The following GAS2 variants were observed in gnomAD, a reference collection of about 807,000 sequenced individuals.
GAS2 encodes growth arrest-specific protein 2.
GAS2 carries 20 observed loss-of-function variants against 37.5 expected under a neutral mutation model. The ratio of observed to expected loss-of-function variants is 0.53; its 90% confidence interval spans 0.37 to 0.77. GAS2 has a LOEUF of 0.77. Among genes scored for constraint, GAS2 ranks in the 30% least tolerant of loss-of-function variants. GAS2 has a pLI of 0.00. For synonymous variants in GAS2, 144 were observed against 132.2 expected (o/e 1.09, Z -0.61); for missense variants, 336 against 373.4 (o/e 0.90, Z 0.82).
intron 1 of GAS2, among the ~76,000 whole-genome samples, chr11:22,657,060 A>C (rs1848863977): frequency 6.6e-6 from 1 of 152,194 alleles, no homozygotes; most frequent in South Asian, 2.1e-4. Context: ...CTAGTATTCA[A>C]ATAAGAGGAG....
chr11:22,712,149 A>C (rs534694769), intron 3 of GAS2, among the ~76,000 whole-genome samples: 35 of 152,300 alleles, frequency 2.3e-4, no homozygotes, highest in Non-Finnish European at 4.7e-4. Context: ...GAAGGAAAAA[A>C]CAACAGCTAA....
chr11:22,685,921 A>T (rs395398), intron 3 of GAS2, 132 bp downstream of exon 3: 221,013 of 702,624 alleles, frequency 0.31, 37,932 homozygotes, highest in African/African-American at 0.55. Flanking sequence ...AAGTACAGAG[A>T]GTTCTTTTTA....
chr11:22,650,465 T>G (rs1231536576), intron 1 of GAS2, among the ~76,000 whole-genome samples: 13 of 151,988 alleles, frequency 8.6e-5, no homozygotes, highest in East Asian at 1.9e-4. Flanking sequence ...TCAATTCCTG[T>G]GTATCCTTGT....
intron 7 of GAS2, among the ~76,000 whole-genome samples, chr11:22,786,232 TA>T (rs571991097): frequency 5.3e-5 from 8 of 151,704 alleles, no homozygotes; most frequent in South Asian, 2.1e-4. Flanking sequence ...ATGAGTTGGA[TA>T]AAAAAAAATT....
intron 1 of GAS2, among the ~76,000 whole-genome samples, chr11:22,658,276 G>A (rs1269992145): frequency 6.6e-6 from 1 of 152,042 alleles, no homozygotes; most frequent in East Asian, 1.9e-4. Flanking sequence ...TGATCTGCCC[G>A]CCTCAGCTTC....
At position 22,765,098 on chromosome 11, in the gene GAS2, G is replaced by A. The variant is rs551286658; in HGVS notation, c.723+9145G>A. On this transcript the variant is annotated intron_variant, in intron 7 of 7. Transcript: ENST00000454584. The stretch of plus-strand genomic sequence containing the variant: ...CACAGCTTCTATAATCTGCATTCCC[G>A]ATTTCTGCATTGCTATGACCTTCCT... Among the ~76,000 whole-genome samples the A allele has an allele frequency of 2.0e-5, 3 of 152,130 alleles. No homozygotes were observed. In the East Asian group the frequency reaches 5.8e-4, roughly 29 times the overall value.
At chr11:22,786,310 T>G (rs1484263650) in intron 7 of GAS2, among the ~76,000 whole-genome samples, 1 of 152,134 alleles carries the variant, frequency 6.6e-6, no homozygotes, top group Non-Finnish European at 1.5e-5. Flanking sequence ...ATTGGCCAGA[T>G]AGAAATACTG....
intron 2 of GAS2, among the ~76,000 whole-genome samples, chr11:22,675,733 T>C (rs1849399712): frequency 6.6e-6 from 1 of 152,144 alleles, no homozygotes; most frequent in African/African-American, 2.4e-5. Flanking sequence ...TAAATTTAAT[T>C]TAAATGTGAG....
intron 1 of GAS2, among the ~76,000 whole-genome samples, chr11:22,659,676 T>C (rs1185013837): frequency 6.6e-6 from 1 of 151,632 alleles, no homozygotes; most frequent in African/African-American, 2.4e-5. Context: ...GAAACTTATT[T>C]CTTTTCAAAA....
intron 3 of GAS2, among the ~76,000 whole-genome samples, chr11:22,698,246 T>C (rs1392605486): frequency 6.6e-6 from 1 of 152,156 alleles, no homozygotes; most frequent in Non-Finnish European, 1.5e-5. Context: ...AACACCTCTA[T>C]GCAAATAAAC....
chr11:22,744,909 A>G (rs1169480195), intron 5 of GAS2, among the ~76,000 whole-genome samples: 2 of 152,070 alleles, frequency 1.3e-5, no homozygotes, highest in South Asian at 4.1e-4. Context: ...CTAGGAATAC[A>G]TCTAACTAGA....
At chr11:22,685,575 G>A in intron 2 of GAS2, 93 bp from the exon 3 acceptor site, 1 of 1,357,928 alleles carries the variant, frequency 7.4e-7, no homozygotes, top group East Asian at 2.3e-5. Flanking sequence ...AGCTAGAATA[G>A]CAATTTTAGT....
At chr11:22,788,368 C>G (rs530750645) in intron 7 of GAS2, among the ~76,000 whole-genome samples, 1 of 152,198 alleles carries the variant, frequency 6.6e-6, no homozygotes, top group Non-Finnish European at 1.5e-5. Context: ...AACTCAGGCT[C>G]TTGATATTTT....
intron 3 of GAS2, among the ~76,000 whole-genome samples, chr11:22,704,588 CATAT>C (rs3049395): frequency 0.019 from 1,727 of 90,482 alleles, 37 homozygotes; most frequent in African/African-American, 0.05. Context: ...TGAAAATAAA[CATAT>C]ATATATATAT....
At chr11:22,714,908 G>C (rs1851589254) in intron 3 of GAS2, among the ~76,000 whole-genome samples, 1 of 152,106 alleles carries the variant, frequency 6.6e-6, no homozygotes, top group South Asian at 2.1e-4. Context: ...ACATCAAAAA[G>C]TCTGAAAGAA....
chr11:22,640,841 C>T (rs184537772), intron 1 of GAS2, among the ~76,000 whole-genome samples: 2 of 152,194 alleles, frequency 1.3e-5, no homozygotes, highest in Admixed American at 1.3e-4. Context: ...TGAATTACTG[C>T]TCTAACACAG....
intron 2 of GAS2, 146 bp downstream of exon 2, chr11:22,675,160 G>A (rs1849366735): frequency 7.5e-6 from 6 of 800,408 alleles, no homozygotes; most frequent in African/African-American, 5.3e-5. Context: ...GAAACCTGAA[G>A]CAGGTGGAAA....
At chr11:22,653,191 T>C (rs975863812) in intron 1 of GAS2, among the ~76,000 whole-genome samples, 4 of 151,800 alleles carry the variant, frequency 2.6e-5, no homozygotes, top group Admixed American at 2.6e-4. Context: ...CATTTGCTTC[T>C]ATATATAGTC....
chr11:22,799,013 T>A (rs1166847270), intron 7 of GAS2, among the ~76,000 whole-genome samples: 1 of 152,104 alleles, frequency 6.6e-6, no homozygotes, highest in Admixed American at 6.6e-5. Flanking sequence ...AAAACAATAT[T>A]TTCTCTCGAG....
Sources: gnomAD v4.1 joint callset for allele counts (sites outside exome capture counted in the v4.1 genomes callset) on GRCh38, gnomAD v4.1.1 for gene constraint, MANE v1.5 for transcripts, NCBI Gene and HGNC (gene_info 2026-07-23, HGNC 2026-07-21) for gene names.